Variants in PHYHIPL observed in about 807,000 individuals in gnomAD.
PHYHIPL encodes phytanoyl-CoA hydroxylase-interacting protein-like.
PHYHIPL carries 9 observed loss-of-function variants against 33.4 expected under a neutral mutation model. That is an observed-to-expected ratio of 0.27 (90% CI 0.16 to 0.47). The LOEUF is 0.47. Among genes scored for constraint, PHYHIPL ranks in the 20% least tolerant of loss-of-function variants. PHYHIPL has a pLI of 0.99. For synonymous variants in PHYHIPL, 153 were observed against 154.1 expected (o/e 0.99, Z 0.05); for missense variants, 365 against 460.7 (o/e 0.79, Z 1.90).
chr10:59,215,193 C>G (rs1839578880), intron 1 of PHYHIPL, among the ~76,000 whole-genome samples: 1 of 151,962 alleles, frequency 6.6e-6, no homozygotes, highest in African/African-American at 2.4e-5. Context: ...AATGTGATGG[C>G]AAAACATTGT....
intron 1 of PHYHIPL, among the ~76,000 whole-genome samples, chr10:59,206,142 C>A (rs1052666456): frequency 5.3e-5 from 8 of 152,038 alleles, no homozygotes; most frequent in Admixed American, 5.2e-4. Context: ...ATTTTCTTGC[C>A]CAAATCCTAG....
chr10:59,185,944 T>G (rs967994167), intron 1 of PHYHIPL, among the ~76,000 whole-genome samples: 1 of 152,222 alleles, frequency 6.6e-6, no homozygotes, highest in Non-Finnish European at 1.5e-5. Context: ...TAGTTTCTTT[T>G]GCTGTGCAGA....
intron 1 of PHYHIPL, among the ~76,000 whole-genome samples, chr10:59,223,689 G>T (rs1002488652): frequency 6.6e-6 from 1 of 151,712 alleles, no homozygotes; most frequent in Non-Finnish European, 1.5e-5. Context: ...TTGAGACAGG[G>T]TCTCTGTCAC....
intron 1 of PHYHIPL, among the ~76,000 whole-genome samples, chr10:59,228,618 G>A (rs999734547): frequency 6.6e-6 from 1 of 152,076 alleles, no homozygotes; most frequent in Non-Finnish European, 1.5e-5. Flanking sequence ...ACACATACAC[G>A]TAATTACAAT....
chr10:59,210,088 T>C (rs1839400768), intron 1 of PHYHIPL, among the ~76,000 whole-genome samples: 1 of 152,034 alleles, frequency 6.6e-6, no homozygotes, highest in Admixed American at 6.5e-5. Flanking sequence ...TGGGATCTAA[T>C]TAAACTAAAG....
chr10:59,183,937 T>C (rs1204522210), intron 1 of PHYHIPL, among the ~76,000 whole-genome samples: 2 of 152,196 alleles, frequency 1.3e-5, no homozygotes, highest in Non-Finnish European at 2.9e-5. Flanking sequence ...AAACAAGGCA[T>C]AAAAGATTTT....
At chr10:59,241,443 T>G in intron 4 of PHYHIPL, among the ~76,000 whole-genome samples, 1 of 152,092 alleles carries the variant, frequency 6.6e-6, no homozygotes, top group Middle Eastern at 3.4e-3. Flanking sequence ...ACCACTTTCT[T>G]TCTTACCTCT....
chr10:59,202,902 TAGG>T (rs1839162699), intron 1 of PHYHIPL, among the ~76,000 whole-genome samples: 1 of 152,156 alleles, frequency 6.6e-6, no homozygotes, highest in Non-Finnish European at 1.5e-5. Context: ...ATTTTTTACT[TAGG>T]GTTTAAAACC....
intron 1 of PHYHIPL, among the ~76,000 whole-genome samples, chr10:59,230,923 T>C (rs901821624): frequency 1.1e-4 from 17 of 152,288 alleles, no homozygotes; most frequent in Admixed American, 4.6e-4. Flanking sequence ...ACTAAGGGGT[T>C]GTGGAGACCA....
intron 1 of PHYHIPL, among the ~76,000 whole-genome samples, chr10:59,215,675 T>C (rs1564452385): frequency 6.6e-6 from 1 of 151,996 alleles, no homozygotes; most frequent in Non-Finnish European, 1.5e-5. Flanking sequence ...AAGGAATTTA[T>C]GGAGAATGTC....
chr10:59,224,372 C>T (rs1484964816), intron 1 of PHYHIPL, among the ~76,000 whole-genome samples: 1 of 152,016 alleles, frequency 6.6e-6, no homozygotes, highest in African/African-American at 2.4e-5. Context: ...AGGAGAATCA[C>T]TTGAGCCTGG....
chr10:59,185,017 G>A (rs1271053223), intron 1 of PHYHIPL, among the ~76,000 whole-genome samples: 3 of 130,660 alleles, frequency 2.3e-5, no homozygotes, highest in Admixed American at 8.3e-5. Flanking sequence ...TTGAGACGGA[G>A]TCTCGCTCTG....
chr10:59,209,303 C>G (rs1839378875), intron 1 of PHYHIPL, among the ~76,000 whole-genome samples: 1 of 152,118 alleles, frequency 6.6e-6, no homozygotes, highest in African/African-American at 2.4e-5. Context: ...AATTTTCAAT[C>G]CAGAATTTCA....
upstream of PHYHIPL, among the ~76,000 whole-genome samples, chr10:59,175,959 A>C (rs1838240838): frequency 6.6e-6 from 1 of 152,312 alleles, no homozygotes; most frequent in Non-Finnish European, 1.5e-5. Context: ...CCTTTTCAGC[A>C]GGCTTGCTGC....
chr10:59,199,690 A>G (rs1160161021), intron 1 of PHYHIPL, among the ~76,000 whole-genome samples: 1 of 152,224 alleles, frequency 6.6e-6, no homozygotes, highest in Non-Finnish European at 1.5e-5. Context: ...ATCCATGAGC[A>G]TGGAATGTTC....
chr10:59,205,246 T>C (rs1564707723), intron 1 of PHYHIPL, among the ~76,000 whole-genome samples: 5 of 152,210 alleles, frequency 3.3e-5, no homozygotes, highest in Admixed American at 2.6e-4. Flanking sequence ...GGACACTGTA[T>C]TCATGTTATC....
chr10:59,240,352 C>T (rs758770005), intron 4 of PHYHIPL, among the ~76,000 whole-genome samples: 1 of 151,980 alleles, frequency 6.6e-6, no homozygotes, highest in African/African-American at 2.4e-5. Flanking sequence ...CTGTTAAACC[C>T]ATTGTAAGTT....
intron 1 of PHYHIPL, among the ~76,000 whole-genome samples, chr10:59,208,328 G>A (rs950992889): frequency 2.0e-5 from 3 of 152,166 alleles, no homozygotes; most frequent in African/African-American, 7.2e-5. Flanking sequence ...CTGCAGCTGC[G>A]GAGACTGAAC....
At chr10:59,225,587 A>G (rs1839901289) in intron 1 of PHYHIPL, among the ~76,000 whole-genome samples, 1 of 152,150 alleles carries the variant, frequency 6.6e-6, no homozygotes, top group Non-Finnish European at 1.5e-5. Context: ...AAAAAGTCAG[A>G]CCAGGCAGAA....
Sources: allele counts gnomAD v4.1 joint callset (sites outside exome capture counted in the v4.1 genomes callset), GRCh38; gene constraint gnomAD v4.1.1; transcripts MANE v1.5; gene names NCBI Gene and HGNC (gene_info 2026-07-23, HGNC 2026-07-21).